LINGO2: variants seen among roughly 807,000 people sequenced by gnomAD.
LINGO2 encodes the protein leucine-rich repeat and immunoglobulin-like domain-containing nogo receptor-interacting protein 2.
Under a neutral mutation model 30.6 loss-of-function variants are expected in LINGO2, and 14 were observed. That is an observed-to-expected ratio of 0.46 (90% CI 0.30 to 0.72). The LOEUF (loss-of-function observed/expected upper bound fraction) is 0.72, where lower values mean the gene tolerates loss of function less well. Among genes scored for constraint, LINGO2 ranks in the 30% least tolerant of loss-of-function variants. The pLI is 0.07. For synonymous variants in LINGO2, 317 were observed against 288.5 expected (o/e 1.10, Z -1.00); for missense variants, 729 against 751.7 (o/e 0.97, Z 0.35).
chr9:28,623,792 G>A (rs1427716148), intron 1 of LINGO2, among the ~76,000 whole-genome samples: 1 of 151,890 alleles, frequency 6.6e-6, no homozygotes, highest in Non-Finnish European at 1.5e-5. Flanking sequence ...GAGAAATATG[G>A]ACATTTTAAC....
chr9:28,506,500 A>ATATAT (rs1820139313), intron 1 of LINGO2, among the ~76,000 whole-genome samples: 1 of 118,740 alleles, frequency 8.4e-6, no homozygotes, highest in Admixed American at 9.5e-5. Flanking sequence ...ACACACACAC[A>ATATAT]CAGACATATA....
intron 4 of LINGO2, among the ~76,000 whole-genome samples, chr9:28,183,783 T>C (rs531881967): frequency 6.6e-6 from 1 of 152,326 alleles, no homozygotes; most frequent in East Asian, 1.9e-4. Flanking sequence ...CATGAGCTTG[T>C]GTAAACATAT....
At chr9:28,876,021 A>G in the LINGO2 span, among the ~76,000 whole-genome samples, 1 of 152,110 alleles carries the variant, frequency 6.6e-6, no homozygotes, top group East Asian at 1.9e-4. Context: ...CAATAAAAGT[A>G]TACCAAGAAT....
chr9:28,947,130 T>C, the LINGO2 span, among the ~76,000 whole-genome samples: 1 of 151,820 alleles, frequency 6.6e-6, no homozygotes, highest in Non-Finnish European at 1.5e-5. Flanking sequence ...TCTGTATCTA[T>C]ATATCTCTCT....
At chr9:28,887,344 C>T in the LINGO2 span, among the ~76,000 whole-genome samples, 3 of 151,950 alleles carry the variant, frequency 2.0e-5, no homozygotes, top group African/African-American at 7.2e-5. Flanking sequence ...ATTGTTCTAA[C>T]TTGCCCCTGG....
chr9:28,500,852 A>T (rs1277752822), intron 1 of LINGO2, among the ~76,000 whole-genome samples: 4 of 152,170 alleles, frequency 2.6e-5, no homozygotes, highest in Non-Finnish European at 5.9e-5. Flanking sequence ...AAGTCAAATT[A>T]CAAAAAGCTA....
In LINGO2 at chr9:28,216,430, T is replaced by C. The variant is rs76163468; in HGVS notation, c.-87+78778A>G. On this transcript the variant is annotated intron_variant, in intron 4 of 5. Coordinates refer to ENST00000379992, the Ensembl canonical transcript of LINGO2. Reference sequence around the variant, plus strand: ...ATCAAATAGTTAAATGAAGAAAGAGTAGAAAAAAGAATGTGTAGCATAACT... The same window carrying C: ...ATCAAATAGTTAAATGAAGAAAGAGCAGAAAAAAGAATGTGTAGCATAACT... Among the ~76,000 whole-genome samples the C allele has an allele frequency of 6.6e-3, 1,006 of 151,712 alleles. 11 individuals carry two copies. Among genetic ancestry groups the C allele is most frequent in the African/African-American group, 0.022 (908 of 41,450 alleles).
At chr9:29,159,028 C>T in the LINGO2 span, among the ~76,000 whole-genome samples, 1 of 152,138 alleles carries the variant, frequency 6.6e-6, no homozygotes, top group African/African-American at 2.4e-5. Context: ...GAGCTCAAAT[C>T]ATCACATGGG....
intron 4 of LINGO2, among the ~76,000 whole-genome samples, chr9:28,067,825 C>A (rs980092762): frequency 1.2e-4 from 18 of 152,084 alleles, no homozygotes; most frequent in African/African-American, 3.9e-4. Flanking sequence ...ATTATCATAA[C>A]AATGCTACGA....
the LINGO2 span, among the ~76,000 whole-genome samples, chr9:28,935,113 A>G: frequency 6.6e-6 from 1 of 152,254 alleles, no homozygotes; most frequent in East Asian, 1.9e-4. Context: ...AAATACAAAA[A>G]AAAGGATATA....
At chr9:28,006,134 C>A (rs980354773) in intron 5 of LINGO2, among the ~76,000 whole-genome samples, 3 of 151,816 alleles carry the variant, frequency 2.0e-5, no homozygotes, top group Admixed American at 6.6e-5. Flanking sequence ...ATGCAAAGCT[C>A]CTTCCGGAAG....
chr9:28,373,135 T>A (rs917104561), intron 2 of LINGO2, among the ~76,000 whole-genome samples: 1 of 152,160 alleles, frequency 6.6e-6, no homozygotes, highest in African/African-American at 2.4e-5. Context: ...TGAATGACAA[T>A]GAGTAAAAAT....
the LINGO2 span, among the ~76,000 whole-genome samples, chr9:29,006,124 C>A: frequency 0.021 from 3,236 of 150,938 alleles, 106 homozygotes; most frequent in African/African-American, 0.073. Flanking sequence ...TAGTATAGTG[C>A]CTAGCAAATA....
the LINGO2 span, among the ~76,000 whole-genome samples, chr9:28,918,441 AT>A: frequency 2.0e-5 from 3 of 152,156 alleles, no homozygotes; most frequent in Admixed American, 6.5e-5. Context: ...ATAAATTGAA[AT>A]CATTTGGACA....
the LINGO2 span, among the ~76,000 whole-genome samples, chr9:28,906,351 C>T: frequency 2.0e-5 from 3 of 151,692 alleles, 1 homozygote; most frequent in Non-Finnish European, 4.4e-5. Flanking sequence ...TGATAATTAG[C>T]TCAATTTATC....
At chr9:29,164,075 C>A in the LINGO2 span, among the ~76,000 whole-genome samples, 4 of 151,304 alleles carry the variant, frequency 2.6e-5, no homozygotes, top group African/African-American at 4.9e-5. Flanking sequence ...TGTGAGGGAA[C>A]CTAAGCAGTT....
At chr9:28,987,510 T>C in the LINGO2 span, among the ~76,000 whole-genome samples, 1 of 152,046 alleles carries the variant, frequency 6.6e-6, no homozygotes, top group African/African-American at 2.4e-5. Context: ...ATTGACCTTT[T>C]GTATTATTTT....
At chr9:28,067,136 T>G (rs1381906863) in intron 4 of LINGO2, among the ~76,000 whole-genome samples, 1 of 152,146 alleles carries the variant, frequency 6.6e-6, no homozygotes, top group Admixed American at 6.6e-5. Context: ...CACATACCTT[T>G]TATATTTACA....
At chr9:28,239,974 C>T (rs4427254) in intron 4 of LINGO2, among the ~76,000 whole-genome samples, 41,718 of 151,940 alleles carry the variant, frequency 0.27, 5,941 homozygotes, top group South Asian at 0.37. Context: ...ATTAGCAGCA[C>T]TTCTGTATGC....
Sources: allele counts gnomAD v4.1 joint callset (sites outside exome capture counted in the v4.1 genomes callset), GRCh38; gene constraint gnomAD v4.1.1; transcripts MANE v1.5; gene names NCBI Gene and HGNC (gene_info 2026-07-23, HGNC 2026-07-21).